The following MYOM3 variants were observed in gnomAD, a reference collection of about 807,000 sequenced individuals.
MYOM3 encodes myomesin-3.
MYOM3 carries 155 observed loss-of-function variants against 191.7 expected under a neutral mutation model. The ratio of observed to expected loss-of-function variants is 0.81; its 90% CI spans 0.71 to 0.92. The LOEUF is 0.92. Among genes scored for constraint, MYOM3 ranks in the 40% least tolerant of loss-of-function variants. The pLI, the probability that MYOM3 is intolerant of heterozygous loss-of-function variation, is 0.00. For missense variants in MYOM3, 1,889 were observed against 1,890.6 expected, an observed-to-expected ratio of 1.00 and a Z score of 0.02; for synonymous variants, 757 against 762.9, an observed-to-expected ratio of 0.99 and a Z score of 0.13.
intron 7 of MYOM3, among the ~76,000 whole-genome samples, chr1:24,095,740 C>G (rs887073820): frequency 6.6e-6 from 1 of 152,160 alleles, no homozygotes; most frequent in African/African-American, 2.4e-5. Context: ...TGACACATGG[C>G]AGGTTCTCAA....
Position 24,093,049 on chromosome 1 carries a change from G to C in MYOM3, c.988C>G (p.Leu330Val), listed in dbSNP as rs1362610220. The C allele has an allele frequency of 6.2e-7, 1 of 1,613,148 alleles. No homozygotes were observed. The highest frequency in any genetic ancestry group is 8.5e-7 in the Non-Finnish European group (1 of 1,179,854). ...KILYTDRQAS[L>V]KVSCTYKEDE... ...TCCTTGTAGGTGCAGGACACCTTCA[G>C]GGATGCCTGGCGGTCTGTGTAGAGG... Residue 330 changes from leucine (L) to valine (V), a missense_variant, in exon 10 of 37, where the codon CTG (leucine) becomes GTG (valine). Physicochemically the swap from Leu to Val is conservative, Grantham distance 32 (BLOSUM62 1). Coordinates refer to ENST00000374434, the MANE Select transcript of MYOM3 (RefSeq NM_152372.4).
intron 16 of MYOM3, chr1:24,084,239 G>T: frequency 1.9e-6 from 1 of 528,426 alleles, no homozygotes; most frequent in East Asian, 3.4e-5. Context: ...AGCACTTCCT[G>T]CTTTGCTCTT....
chr1:24,091,124 C>G (rs547702377), intron 11 of MYOM3, 128 bp from the exon 12 acceptor site: 1 of 1,106,860 alleles, frequency 9.0e-7, no homozygotes, highest in South Asian at 1.6e-5. Context: ...TAAAGTTCTT[C>G]TCTCCAATGG....
chr1:24,067,648 G>A (rs1276476370), intron 27 of MYOM3, among the ~76,000 whole-genome samples: 1 of 151,892 alleles, frequency 6.6e-6, no homozygotes, highest in Non-Finnish European at 1.5e-5. Context: ...TTTTCATAGA[G>A]ATAGGGTTTC....
chr1:24,092,451 A>C, intron 10 of MYOM3, 136 bp from the exon 11 acceptor site: 1 of 690,352 alleles, frequency 1.4e-6, no homozygotes. Flanking sequence ...TGGGGCCTGA[A>C]TATTAGTCCC....
At chr1:24,078,336 C>T (rs1205305226) in intron 20 of MYOM3, among the ~76,000 whole-genome samples, 1 of 152,028 alleles carries the variant, frequency 6.6e-6, no homozygotes, top group Non-Finnish European at 1.5e-5. Flanking sequence ...AGGCTGGTCT[C>T]GAACTCCTGA....
In MYOM3 at chr1:24,068,307, A is replaced by T. The variant is rs1302506015; in HGVS notation, c.3211T>A (p.Ser1071Thr). The T allele has an allele frequency of 1.2e-6, 2 of 1,614,088 alleles. No individual in the cohort carries two copies. The change falls in exon 26 of 37, where the codon TCT (serine) becomes ACT (threonine). Residue 1071 changes from serine to threonine, a missense_variant. Physicochemically the swap from Ser to Thr is moderately conservative, Grantham distance 58. Coordinates refer to ENST00000374434, the MANE Select transcript of MYOM3 (RefSeq NM_152372.4). The part of the protein sequence containing the change: ...GLVEVIIQNL[S>T]EEDKGSYTAQ... Reference sequence around the variant, plus strand: ...GTGTACGACCCTTTGTCCTCCTCAGACAAGTTCTGGATGATCACTTCCACC... The same window carrying T: ...GTGTACGACCCTTTGTCCTCCTCAGTCAAGTTCTGGATGATCACTTCCACC...
rs955310518 is a variant in MYOM3 at position 24,085,206 on chromosome 1, A to T, written c.1799-567T>A. ...AATGGATGGATGGATGGATGGATAG[A>T]TGGATGGATGAATGGATGGATGGAT... On this transcript the variant is annotated intron_variant, in intron 15 of 36. Transcript: ENST00000374434. Among the ~76,000 whole-genome samples the T allele has an allele frequency of 4.0e-5, 6 of 151,840 alleles. No individual in the cohort carries two copies. In the East Asian group the frequency reaches 1.2e-3, roughly 30 times the overall value.
intron 7 of MYOM3, among the ~76,000 whole-genome samples, chr1:24,097,032 A>G (rs1643881925): frequency 6.6e-6 from 1 of 152,234 alleles, no homozygotes; most frequent in Non-Finnish European, 1.5e-5. Context: ...CAGAGCCAGG[A>G]TGTGAACTCA....
intron 17 of MYOM3, 68 bp downstream of exon 17, chr1:24,082,525 G>A: frequency 1.3e-6 from 2 of 1,496,214 alleles, no homozygotes; most frequent in African/African-American, 1.4e-5. Context: ...TCCAAGATGT[G>A]ATCTATGAGC....
rs767649986 is a variant in MYOM3 at position 24,075,430 on chromosome 1, T to C, written c.2747A>G (p.Tyr916Cys). ...GGCTTCAGGGGCTTCAAAAGCCAAA[T>C]AGATAAAGCCCTCTTCATCCACACC... ...EVGVDEEGFI[Y>C]LAFEAPEAPD... Residue 916 changes from tyrosine to cysteine, a missense_variant, in exon 22 of 37, where the codon TAT becomes TGT. Coordinates refer to ENST00000374434, the MANE Select transcript of MYOM3 (RefSeq NM_152372.4). 4 of 1,607,854 alleles carry C rather than the reference T, an allele frequency of 2.5e-6. No homozygotes were observed. The African/African-American group carries it at 4.0e-5, about 16-fold the overall frequency.
rs1273721008 is a variant in MYOM3, at chr1:24,089,577, G to A, written c.1575C>T (p.Ser525=). The A allele has an allele frequency of 1.3e-6, 2 of 1,598,758 alleles. No homozygotes were observed. The highest frequency in any genetic ancestry group is 1.7e-5 in the Admixed American group (1 of 57,776). Residue 525 remains serine, a synonymous_variant, in exon 14 of 37, where the codon AGC becomes AGT. Coordinates refer to ENST00000374434, the MANE Select transcript of MYOM3 (RefSeq NM_152372.4). Reference sequence around the variant, plus strand: ...ACGTCAGTGGTGCTCTGTCCCGGGGGCTGGGCTCCTCCCAGGCCAGAACCA... The same window carrying A: ...ACGTCAGTGGTGCTCTGTCCCGGGGACTGGGCTCCTCCCAGGCCAGAACCA... ...AYVVLAWEEP[S]PRDRAPLTYS...
Position 24,092,225 on chromosome 1 carries a change from GC to G in MYOM3, c.1180del (p.Ala394ProfsTer54). 1 of 1,445,592 alleles carries G rather than the reference GC, an allele frequency of 6.9e-7. No homozygotes were observed. Among genetic ancestry groups the G allele is most frequent in the South Asian group, 1.5e-5 (1 of 66,346 alleles). The allele number at this position is 1,445,592 out of a possible 1,614,324, so 89.5% of individuals were successfully genotyped here. The stretch of plus-strand genomic sequence containing the variant: ...GTTGCCCCGGGTGTCACTGGGCGGG[GC>G]CCAAGTCAGGATGAGGCAGTCTCTG... Reference protein sequence around the residue: ...VNRDCLILTWAPPSDTRGNPI... With the variant: ...VNRDCLILTWXPPSDTRGNPI... On this transcript the variant is annotated frameshift_variant, in exon 11 of 37. Transcript: ENST00000374434. LOFTEE classifies it high-confidence loss of function.
chr1:24,067,438 CCTTCCTTT>C (rs1302614088), intron 27 of MYOM3, among the ~76,000 whole-genome samples: 6 of 75,134 alleles, frequency 8.0e-5, no homozygotes, highest in African/African-American at 3.4e-4. Context: ...TTCCTTCCTT[CCTTCCTTT>C]GTTTCCTTCC....
rs763377433 is a variant in MYOM3, at chr1:24,105,939, G to C, written c.541C>G (p.Pro181Ala). 1 of 1,608,328 alleles carries C rather than the reference G, an allele frequency of 6.2e-7. No homozygotes were observed. The highest frequency in any genetic ancestry group is 1.3e-5 in the African/African-American group (1 of 74,890). The change falls in exon 5 of 37, where the codon CCA becomes GCA. Residue 181 changes from proline (P) to alanine (A), a missense_variant. Transcript: ENST00000374434. ...GCTTACCAGGTGACCTGGGGTGGTG[G>C]TGAGGCCTGGACAGTGCAGGTCAGC... Reference protein sequence around the residue: ...VLLTCTVQASPPPQVTWYKND... With the variant: ...VLLTCTVQASAPPQVTWYKND...
chr1:24,058,808 C>T (rs1473169974), intron 36 of MYOM3, 116 bp downstream of exon 36: 3 of 767,686 alleles, frequency 3.9e-6, no homozygotes, highest in African/African-American at 3.4e-5. Context: ...GAGGTGTGGT[C>T]ACTTGGCCAC....
At chr1:24,058,347 A>T (rs997048606) in intron 36 of MYOM3, among the ~76,000 whole-genome samples, 1 of 152,206 alleles carries the variant, frequency 6.6e-6, no homozygotes, top group Admixed American at 6.5e-5. Flanking sequence ...TTAAACACAC[A>T]GGCTCTGGAG....
intron 28 of MYOM3, chr1:24,066,468 A>C (rs1225817133): frequency 1.8e-6 from 1 of 546,334 alleles, no homozygotes; most frequent in Non-Finnish European, 3.3e-6. Flanking sequence ...CTGGGAGAGC[A>C]CCCACCCTCC....
chr1:24,075,563 G>A (rs971704763), intron 21 of MYOM3, 88 bp from the exon 22 acceptor site: 23 of 1,365,116 alleles, frequency 1.7e-5, no homozygotes, highest in Non-Finnish European at 2.2e-5. Flanking sequence ...TCCAGGGCCT[G>A]CCTGTTGCAC....
Sources: allele counts gnomAD v4.1 joint callset (sites outside exome capture counted in the v4.1 genomes callset), GRCh38; gene constraint gnomAD v4.1.1; transcripts MANE v1.5; gene names NCBI Gene and HGNC (gene_info 2026-07-23, HGNC 2026-07-21).